PIK3AP1: variants seen among roughly 807,000 people sequenced by gnomAD.
PIK3AP1 encodes the protein phosphoinositide 3-kinase adapter protein 1.
PIK3AP1 carries 21 observed loss-of-function variants against 88.1 expected under a neutral mutation model. The observed-to-expected ratio is 0.24, with a 90% CI of 0.17 to 0.34. The LOEUF (loss-of-function observed/expected upper bound fraction) is 0.34, where lower values mean the gene tolerates loss of function less well. PIK3AP1 is among the 10% of genes least tolerant of loss of function. PIK3AP1 has a pLI of 1.00. For synonymous variants in PIK3AP1, 398 were observed against 400.0 expected, an observed-to-expected ratio of 1.00 and a Z score of 0.06; for missense variants, 828 against 1,035.7, an observed-to-expected ratio of 0.80 and a Z score of 2.75.
chr10:96,598,049 T>G (rs1167210754), intron 16 of PIK3AP1, among the ~76,000 whole-genome samples: 11 of 149,454 alleles, frequency 7.4e-5, no homozygotes, highest in African/African-American at 2.5e-4. Flanking sequence ...TTGTTGTTTT[T>G]TTTTTTTTTT....
intron 2 of PIK3AP1, among the ~76,000 whole-genome samples, chr10:96,687,569 C>G (rs1041198312): frequency 6.6e-6 from 1 of 152,172 alleles, no homozygotes; most frequent in Non-Finnish European, 1.5e-5. Flanking sequence ...TCAGTGACAT[C>G]ATTCTTCCAG....
chr10:96,632,405 TA>T (rs965992779), intron 8 of PIK3AP1, among the ~76,000 whole-genome samples: 2 of 133,852 alleles, frequency 1.5e-5, no homozygotes, highest in Non-Finnish European at 3.1e-5. Flanking sequence ...TATTTCAAAA[TA>T]ATTTTTTTTT....
chr10:96,628,332 C>T (rs1471304396), intron 9 of PIK3AP1, 66 bp downstream of exon 9: 6 of 1,349,468 alleles, frequency 4.4e-6, no homozygotes, highest in Admixed American at 3.4e-5. Context: ...CATAGAGAAC[C>T]AGACAATGTC....
At chr10:96,715,007 C>T (rs1296531591) in intron 1 of PIK3AP1, among the ~76,000 whole-genome samples, 1 of 148,080 alleles carries the variant, frequency 6.8e-6, no homozygotes, top group Non-Finnish European at 1.5e-5. Flanking sequence ...TGAGTTCTTT[C>T]CAAAGAGCAC....
Position 96,678,354 on chromosome 10 carries a change from G to A in PIK3AP1, c.431-21420C>T, listed in dbSNP as rs185021098. Among the ~76,000 whole-genome samples, 1,027 of 152,182 alleles carry A rather than the reference G, an allele frequency of 6.7e-3. 13 individuals are homozygous for A. The highest frequency in any genetic ancestry group is 8.2e-3 in the Non-Finnish European group (559 of 67,996). Reference sequence around the variant, plus strand: ...GGAGGCTGAGGCAAGAGAATCGCTTGAACCCAGGAGGCGGAGGTTGCAATG... The same window carrying A: ...GGAGGCTGAGGCAAGAGAATCGCTTAAACCCAGGAGGCGGAGGTTGCAATG... On this transcript the variant is annotated intron_variant, in intron 2 of 16. Transcript: ENST00000339364.
At chr10:96,710,458 G>C (rs1446914577) in intron 1 of PIK3AP1, among the ~76,000 whole-genome samples, 1 of 152,066 alleles carries the variant, frequency 6.6e-6, no homozygotes. Flanking sequence ...CTGACCTCAA[G>C]TGATCCACCC....
At chr10:96,662,888 C>CAAAAAAAAA (rs749898725) in intron 2 of PIK3AP1, among the ~76,000 whole-genome samples, 40 of 22,566 alleles carry the variant, frequency 1.8e-3, no homozygotes, top group East Asian at 2.9e-3. Context: ...GACTCCGTCT[C>CAAAAAAAAA]AAAAAAAAAA....
rs780313623 is a variant in PIK3AP1, at chr10:96,595,419, G to C, written c.*158C>G. Reference sequence around the variant, plus strand: ...TTCTTCGTGCCTTAATAAAATCTTCGAGGCAAGCCCAAACCAGCAGGGCTG... The same window carrying C: ...TTCTTCGTGCCTTAATAAAATCTTCCAGGCAAGCCCAAACCAGCAGGGCTG... On this transcript the variant is annotated 3_prime_UTR_variant, in exon 17 of 17. Transcript: ENST00000339364. 47 of 766,988 alleles carry C rather than the reference G, an allele frequency of 6.1e-5. No homozygotes were observed. The highest frequency in any genetic ancestry group is 9.4e-5 in the Non-Finnish European group (45 of 477,932). 47.5% of individuals were successfully genotyped at this position (766,988 alleles called of 1,614,324 possible).
intron 2 of PIK3AP1, among the ~76,000 whole-genome samples, chr10:96,676,443 G>A (rs1843920366): frequency 6.6e-6 from 1 of 151,346 alleles, no homozygotes; most frequent in Admixed American, 6.6e-5. Flanking sequence ...GGTCATTACA[G>A]ATTTCATGGC....
At chr10:96,711,897 C>T (rs1226612101) in intron 1 of PIK3AP1, among the ~76,000 whole-genome samples, 2 of 151,406 alleles carry the variant, frequency 1.3e-5, no homozygotes, top group African/African-American at 2.4e-5. Flanking sequence ...ACTACAGGCG[C>T]CCGCCATCAC....
chr10:96,710,005 A>T, intron 1 of PIK3AP1, 22 bp from the exon 2 acceptor site: 1 of 1,557,000 alleles, frequency 6.4e-7, no homozygotes, highest in Non-Finnish European at 8.7e-7. Flanking sequence ...TGAGGCACAG[A>T]AGCATGTTAG....
At chr10:96,606,874 T>C (rs1468581174) in intron 14 of PIK3AP1, among the ~76,000 whole-genome samples, 4 of 152,102 alleles carry the variant, frequency 2.6e-5, no homozygotes, top group East Asian at 1.9e-4. Flanking sequence ...AAAATGACCA[T>C]ATAAAAGTAT....
At chr10:96,628,978 A>G (rs1027063357) in intron 8 of PIK3AP1, among the ~76,000 whole-genome samples, 1 of 145,474 alleles carries the variant, frequency 6.9e-6, no homozygotes, top group East Asian at 2.0e-4. Context: ...GCACAACTAC[A>G]GCACACTCCA....
intron 2 of PIK3AP1, among the ~76,000 whole-genome samples, chr10:96,694,168 A>G (rs1480296678): frequency 1.3e-5 from 2 of 152,134 alleles, no homozygotes; most frequent in Non-Finnish European, 2.9e-5. Flanking sequence ...ATACCTCTGG[A>G]TACTCCTGGC....
chr10:96,649,128 C>A (rs965935192), intron 6 of PIK3AP1, among the ~76,000 whole-genome samples: 6 of 152,238 alleles, frequency 3.9e-5, no homozygotes, highest in African/African-American at 1.4e-4. Context: ...CTCACTGCAA[C>A]CTCTGCCTCC....
intron 2 of PIK3AP1, among the ~76,000 whole-genome samples, chr10:96,664,753 T>C (rs371769754): frequency 4.6e-5 from 7 of 152,172 alleles, no homozygotes. Context: ...AGCTCACTCA[T>C]TTCAGGAAGT....
intron 2 of PIK3AP1, among the ~76,000 whole-genome samples, chr10:96,689,426 TG>T (rs1210755685): frequency 1.3e-5 from 2 of 150,620 alleles, no homozygotes; most frequent in Middle Eastern, 3.4e-3. Flanking sequence ...AAAAATTAGC[TG>T]GGCGTGGTGG....
At chr10:96,716,623 G>C (rs916145198) in intron 1 of PIK3AP1, among the ~76,000 whole-genome samples, 3 of 152,192 alleles carry the variant, frequency 2.0e-5, no homozygotes, top group African/African-American at 4.8e-5. Flanking sequence ...AGGACTAAAT[G>C]CTTTGTCAGC....
chr10:96,703,578 C>T (rs140940012), intron 2 of PIK3AP1, among the ~76,000 whole-genome samples: 1 of 152,256 alleles, frequency 6.6e-6, no homozygotes, highest in South Asian at 2.1e-4. Context: ...TTTTTATATT[C>T]CATTGAGATT....
Sources: allele counts gnomAD v4.1 joint callset (sites outside exome capture counted in the v4.1 genomes callset), GRCh38; gene constraint gnomAD v4.1.1; transcripts MANE v1.5; gene names NCBI Gene and HGNC (gene_info 2026-07-23, HGNC 2026-07-21).